The following PRKCA variants were observed in gnomAD, a reference collection of about 807,000 sequenced individuals.
The protein encoded by PRKCA is protein kinase C alpha.
PRKCA carries 27 observed loss-of-function variants against 87.0 expected under a neutral mutation model. The ratio of observed to expected loss-of-function variants is 0.31; its 90% CI spans 0.23 to 0.43. The LOEUF is 0.43. Ranked by LOEUF, PRKCA falls within the 20% of genes least tolerant of loss-of-function variation. The probability of loss-of-function intolerance (pLI) is 1.00; values close to 1 mark genes in which losing one functional copy is unlikely to be tolerated. For missense variants in PRKCA, 518 were observed against 852.3 expected, an observed-to-expected ratio of 0.61 and a Z score of 4.88; for synonymous variants, 329 against 311.1, an observed-to-expected ratio of 1.06 and a Z score of -0.61.
intron 14 of PRKCA, among the ~76,000 whole-genome samples, chr17:66,783,229 G>T (rs1784252909): frequency 6.6e-6 from 1 of 152,182 alleles, no homozygotes; most frequent in African/African-American, 2.4e-5. Context: ...AGCCTAAGAG[G>T]CCTCTGAGAA....
intron 8 of PRKCA, among the ~76,000 whole-genome samples, chr17:66,722,399 C>G (rs991160163): frequency 1.3e-5 from 2 of 152,176 alleles, no homozygotes; most frequent in African/African-American, 4.8e-5. Flanking sequence ...TTTGAAAAAA[C>G]CCCTAATAGG....
intron 8 of PRKCA, among the ~76,000 whole-genome samples, chr17:66,729,647 T>C (rs9890581): frequency 0.67 from 101,865 of 152,074 alleles, 34,209 homozygotes; most frequent in East Asian, 0.71. Context: ...TGTTTCACAC[T>C]TTCAGTCTGG....
chr17:66,362,360 C>T (rs561830029), intron 2 of PRKCA, among the ~76,000 whole-genome samples: 23 of 152,286 alleles, frequency 1.5e-4, no homozygotes, highest in African/African-American at 5.3e-4. Context: ...TCTTTCTCAC[C>T]TGTACCTTTT....
At chr17:66,638,178 C>T (rs868194553) in intron 3 of PRKCA, 6 of 149,710 alleles carry the variant, frequency 4.0e-5, no homozygotes, top group Admixed American at 2.7e-4. Flanking sequence ...TATAAAAATG[C>T]GTTGTAAATA....
In PRKCA at chr17:66,347,941, CT is replaced by C. The variant is rs57292153; in HGVS notation, c.205+41833del. ...AGAATATTTACTCAGAATTCTGAAC[CT>C]TTTTTTTTTTTTTTTTTTGAGACAA... On this transcript the variant is annotated intron_variant, in intron 2 of 16. Coordinates refer to ENST00000413366, the MANE Select transcript of PRKCA (RefSeq NM_002737.3). Among the ~76,000 whole-genome samples, 433 of 56,458 alleles carry C rather than the reference CT, an allele frequency of 7.7e-3. 17 individuals carry two copies. The highest frequency in any genetic ancestry group is 0.022 in the African/African-American group (389 of 17,648). The allele number at this position is 56,458 out of a possible 152,430, so 37.0% of individuals were successfully genotyped here.
At chr17:66,313,107 G>A (rs1434708430) in intron 2 of PRKCA, among the ~76,000 whole-genome samples, 1 of 152,092 alleles carries the variant, frequency 6.6e-6, no homozygotes, top group African/African-American at 2.4e-5. Flanking sequence ...TTTTGAGTGC[G>A]AGGACTGAGT....
At chr17:66,500,960 AT>A (rs146409659) in intron 3 of PRKCA, among the ~76,000 whole-genome samples, 86 of 151,120 alleles carry the variant, frequency 5.7e-4, no homozygotes, top group Middle Eastern at 3.4e-3. Context: ...TTAAATTAGG[AT>A]TTTTTTTTTC....
intron 3 of PRKCA, among the ~76,000 whole-genome samples, chr17:66,572,853 AGTATGAGATGAATATCT>A (rs1420027160): frequency 3.9e-5 from 6 of 152,192 alleles, no homozygotes; most frequent in African/African-American, 1.4e-4. Flanking sequence ...TTTTTGCTAT[AGTATGAGATGAATATCT>A]GTCCCCTTTT....
intron 3 of PRKCA, among the ~76,000 whole-genome samples, chr17:66,576,091 G>A (rs1451106400): frequency 2.0e-5 from 3 of 152,150 alleles, no homozygotes; most frequent in East Asian, 1.9e-4. Context: ...TCCAGCCTGG[G>A]CGACACACCC....
intron 5 of PRKCA, among the ~76,000 whole-genome samples, chr17:66,679,174 C>CTTTTTTTTTTTT (rs10714678): frequency 8.3e-6 from 1 of 121,056 alleles, no homozygotes; most frequent in Non-Finnish European, 1.7e-5. Flanking sequence ...ACACTCACAC[C>CTTTTTTTTTTTT]TTTTTTTTTT....
Position 66,738,823 on chromosome 17 carries a change from G to C in PRKCA, c.1290G>C (p.Gln430His). Residue 430 changes from glutamine to histidine, a missense_variant, in exon 11 of 17, where the codon CAG (glutamine) becomes CAC (histidine). Physicochemically the swap from Gln to His is conservative, Grantham distance 24. This residue lies in a region of PRKCA where 300 missense variants were observed against 496.8 expected (regional missense o/e 0.60). Coordinates refer to ENST00000413366, the MANE Select transcript of PRKCA (RefSeq NM_002737.3). ...GTGGGGACCTCATGTACCACATTCA[G>C]CAAGTAGGAAAATTTAAGGAACCAC... ...VNGGDLMYHIQQVGKFKEPQA... is the reference protein window; with the variant it reads ...VNGGDLMYHIHQVGKFKEPQA... The C allele has an allele frequency of 6.2e-7, 1 of 1,613,730 alleles. No homozygotes were observed. The highest frequency in any genetic ancestry group is 8.5e-7 in the Non-Finnish European group (1 of 1,179,816).
At chr17:66,350,197 A>G (rs1365941103) in intron 2 of PRKCA, among the ~76,000 whole-genome samples, 4 of 152,132 alleles carry the variant, frequency 2.6e-5, no homozygotes, top group Non-Finnish European at 5.9e-5. Context: ...TCCTTTGGAA[A>G]CTGGCTTTTC....
intron 3 of PRKCA, among the ~76,000 whole-genome samples, chr17:66,594,024 G>T (rs887601908): frequency 6.6e-6 from 1 of 152,268 alleles, no homozygotes; most frequent in African/African-American, 2.4e-5. Flanking sequence ...AGCAGAGGTT[G>T]CAGTGAGCTG....
At chr17:66,776,724 T>A (rs1397698174) in intron 14 of PRKCA, among the ~76,000 whole-genome samples, 1 of 152,204 alleles carries the variant, frequency 6.6e-6, no homozygotes, top group Non-Finnish European at 1.5e-5. Context: ...TCTAGTGCAC[T>A]CTTTGACTTT....
intron 3 of PRKCA, among the ~76,000 whole-genome samples, chr17:66,618,008 G>C (rs923440746): frequency 3.9e-5 from 6 of 152,188 alleles, no homozygotes; most frequent in African/African-American, 1.4e-4. Context: ...CATTCTTTTA[G>C]TACACTGTTG....
chr17:66,563,951 T>TTTCCTTCCTTCCTTCCTTCCTTCC (rs202204103), intron 3 of PRKCA, among the ~76,000 whole-genome samples: 17 of 136,584 alleles, frequency 1.2e-4, no homozygotes, highest in East Asian at 2.2e-4. Context: ...TTGTTTCTTC[T>TTTCCTTCCTTCCTTCCTTCCTTCC]TTCCTTCCTT....
intron 2 of PRKCA, among the ~76,000 whole-genome samples, chr17:66,380,459 C>T (rs1255421568): frequency 2.6e-5 from 4 of 152,062 alleles, no homozygotes; most frequent in African/African-American, 9.7e-5. Context: ...TGGAATAAAC[C>T]TGCCACTTAG....
rs1283530848 is a variant in PRKCA, at chr17:66,641,340, T to C, written c.289-15T>C. On this transcript the variant is annotated splice_polypyrimidine_tract_variant and intron_variant, in intron 3 of 16. Transcript: ENST00000413366. ...TTCATGACTAAAATGAGCATTGTGC[T>C]TCTTCTCCTCCCAGGACCCCAGGAG... 6.3e-7 allele frequency: 1 copy of C among 1,598,170 alleles called. No homozygotes were observed. Among genetic ancestry groups the C allele is most frequent in the East Asian group, 2.2e-5 (1 of 44,732 alleles).
chr17:66,334,221 G>T (rs1906522207), intron 2 of PRKCA, among the ~76,000 whole-genome samples: 1 of 152,186 alleles, frequency 6.6e-6, no homozygotes, highest in Non-Finnish European at 1.5e-5. Context: ...CTGCACTACA[G>T]CCTGGGCAAC....
Sources: allele counts gnomAD v4.1 joint callset (sites outside exome capture counted in the v4.1 genomes callset), GRCh38; gene constraint gnomAD v4.1.1; regional missense constraint gnomAD v4.1.1; transcripts MANE v1.5; gene names NCBI Gene and HGNC (gene_info 2026-07-23, HGNC 2026-07-21).